Variants in TTLL1 observed in about 807,000 individuals in gnomAD.
TTLL1 encodes TTL family tubulin polyglutamylase complex subunit L1.
In TTLL1, 33 loss-of-function variants were observed where a neutral mutation model predicts 47.8. That is an observed-to-expected ratio of 0.69 (90% CI 0.52 to 0.92). TTLL1 has a LOEUF of 0.92. TTLL1 is among the 40% of genes least tolerant of loss of function. The pLI, the probability that TTLL1 is intolerant of heterozygous loss-of-function variation, is 0.00. For synonymous variants in TTLL1, 225 were observed against 214.1 expected, an observed-to-expected ratio of 1.05 and a Z score of -0.45; for missense variants, 488 against 547.5, an observed-to-expected ratio of 0.89 and a Z score of 1.08.
Position 43,080,902 on chromosome 22 carries a change from CTTTTTTTTTTTTT to C in TTLL1, c.-89-929_-89-917del, listed in dbSNP as rs10529079. Among the ~76,000 whole-genome samples the C allele has an allele frequency of 9.2e-4, 64 of 69,298 alleles. 1 individual carries two copies. The highest frequency in any genetic ancestry group is 4.6e-3 in the East Asian group (6 of 1,312). 45.5% of individuals were successfully genotyped at this position (69,298 alleles called of 152,430 possible). On this transcript the variant is annotated intron_variant, in intron 1 of 10. Transcript: ENST00000266254. ...GTCACCTGTTCCCAGTGTTGCATGA[CTTTTTTTTTTTTT>C]TTTTTTTTTTTTTTTTTTTTAGACA...
At chr22:43,059,593 T>G in intron 7 of TTLL1, 66 bp from the exon 8 acceptor site, 9 of 1,521,432 alleles carry the variant, frequency 5.9e-6, no homozygotes, top group Non-Finnish European at 8.0e-6. Context: ...AGCGGAACCG[T>G]TGCATCCCCC....
chr22:43,085,472 C>T (rs1601710938), intron 1 of TTLL1, among the ~76,000 whole-genome samples: 1 of 152,168 alleles, frequency 6.6e-6, no homozygotes, highest in Admixed American at 6.6e-5. Flanking sequence ...ATAAACGAAT[C>T]ATGGGAGTGG....
intron 1 of TTLL1, among the ~76,000 whole-genome samples, chr22:43,086,964 C>T (rs1929264864): frequency 6.6e-6 from 1 of 152,214 alleles, no homozygotes; most frequent in Non-Finnish European, 1.5e-5. Flanking sequence ...GCCAGCCCTG[C>T]AGATCTGGAC....
intron 8 of TTLL1, among the ~76,000 whole-genome samples, chr22:43,058,693 T>G (rs1288008495): frequency 1.3e-5 from 2 of 148,336 alleles, no homozygotes; most frequent in Non-Finnish European, 3.0e-5. Flanking sequence ...GGTTTTTTTT[T>G]GTTTTTTTTT....
intron 8 of TTLL1, among the ~76,000 whole-genome samples, chr22:43,053,404 A>T (rs1376198193): frequency 6.6e-6 from 1 of 152,120 alleles, no homozygotes; most frequent in Non-Finnish European, 1.5e-5. Flanking sequence ...TTTAAACTAA[A>T]AGCCTGGTAT....
At chr22:43,058,537 G>C (rs1480449390) in intron 8 of TTLL1, among the ~76,000 whole-genome samples, 4 of 152,240 alleles carry the variant, frequency 2.6e-5, no homozygotes, top group Non-Finnish European at 5.9e-5. Flanking sequence ...GGTATAAGAG[G>C]AGTGGAGGGG....
chr22:43,059,262 G>A, intron 8 of TTLL1, 122 bp downstream of exon 8: 2 of 1,391,686 alleles, frequency 1.4e-6, no homozygotes, highest in African/African-American at 1.5e-5. Context: ...CCAGCTTGCT[G>A]GGATTACAGG....
In TTLL1 at chr22:43,040,295, C is replaced by T. The variant is rs548941633; in HGVS notation, c.1143-390G>A. 6.6e-5 allele frequency: 12 copies of T among 182,302 alleles called. 1 individual carries two copies. In the South Asian group the frequency reaches 1.2e-3, roughly 18 times the overall value. 11.3% of individuals were successfully genotyped at this position (182,302 alleles called of 1,614,324 possible). A position where few individuals can be genotyped will look rare whatever the true frequency, so the allele number is the denominator to read the frequency against. ...TGAGGTGAGACTGCCTGGCTGGAAA[C>T]GCTTCACACAAGGCACCTGCAGGCT... is the stretch of plus-strand genomic sequence containing the variant. On this transcript the variant is annotated intron_variant, in intron 10 of 10. Coordinates refer to ENST00000266254, the MANE Select transcript of TTLL1 (RefSeq NM_012263.5).
intron 1 of TTLL1, among the ~76,000 whole-genome samples, chr22:43,088,515 T>G (rs1442873292): frequency 6.6e-6 from 1 of 151,030 alleles, no homozygotes; most frequent in African/African-American, 2.4e-5. Flanking sequence ...TTTTTTTTTT[T>G]TGTATTTTTA....
intron 5 of TTLL1, among the ~76,000 whole-genome samples, chr22:43,065,123 C>A (rs1404503545): frequency 2.6e-5 from 4 of 151,284 alleles, no homozygotes; most frequent in Non-Finnish European, 5.9e-5. Context: ...CCAGCCTGGG[C>A]AATAGAGCAA....
At chr22:43,058,994 G>A (rs1368118105) in intron 8 of TTLL1, among the ~76,000 whole-genome samples, 2 of 144,258 alleles carry the variant, frequency 1.4e-5, no homozygotes, top group African/African-American at 5.2e-5. Context: ...CGCCCAGCCT[G>A]TTTTTTGTTT....
chr22:43,058,757 C>T (rs140506178), intron 8 of TTLL1, among the ~76,000 whole-genome samples: 1,607 of 151,630 alleles, frequency 0.011, 39 homozygotes, highest in African/African-American at 0.037. Context: ...TGCAATGGCG[C>T]GATCGCGGCT....
intron 9 of TTLL1, among the ~76,000 whole-genome samples, chr22:43,048,690 C>A (rs1005832446): frequency 2.0e-5 from 3 of 151,474 alleles, no homozygotes; most frequent in Admixed American, 2.0e-4. Flanking sequence ...GTAATCCCAG[C>A]ACTTTGGGAG....
intron 2 of TTLL1, among the ~76,000 whole-genome samples, chr22:43,076,312 C>T (rs948397528): frequency 7.2e-5 from 11 of 151,922 alleles, no homozygotes; most frequent in Non-Finnish European, 8.8e-5. Context: ...AAAAATTAGC[C>T]GGGTGTGGTT....
intron 1 of TTLL1, among the ~76,000 whole-genome samples, chr22:43,083,610 G>A (rs1001630825): frequency 6.6e-6 from 1 of 151,124 alleles, no homozygotes; most frequent in Non-Finnish European, 1.5e-5. Flanking sequence ...TGCCTGTAAT[G>A]CCAGCTACTC....
chr22:43,061,355 A>C (rs1927377330), intron 7 of TTLL1, among the ~76,000 whole-genome samples: 1 of 152,208 alleles, frequency 6.6e-6, no homozygotes, highest in African/African-American at 2.4e-5. Flanking sequence ...CAAGACCAGC[A>C]AGGTGAACCC....
chr22:43,069,904 G>C, intron 3 of TTLL1, 60 bp from the exon 4 acceptor site: 1 of 1,591,630 alleles, frequency 6.3e-7, no homozygotes, highest in Non-Finnish European at 8.6e-7. Flanking sequence ...GAAGTCCTTT[G>C]TTCCCGTCCC....
intron 2 of TTLL1, among the ~76,000 whole-genome samples, chr22:43,075,867 C>T (rs1928452934): frequency 6.6e-6 from 1 of 152,220 alleles, no homozygotes; most frequent in Admixed American, 6.5e-5. Context: ...AATTATCCAG[C>T]CCCAAATGTC....
intron 8 of TTLL1, among the ~76,000 whole-genome samples, chr22:43,053,817 G>T (rs570902222): frequency 6.6e-6 from 1 of 152,234 alleles, no homozygotes. Flanking sequence ...AGAAGGAGTC[G>T]TTCAGAGGCA....
Sources: gnomAD v4.1 joint callset for allele counts (sites outside exome capture counted in the v4.1 genomes callset) on GRCh38, gnomAD v4.1.1 for gene constraint, MANE v1.5 for transcripts, NCBI Gene and HGNC (gene_info 2026-07-23, HGNC 2026-07-21) for gene names.